PODXL: variants seen among roughly 807,000 people sequenced by gnomAD.
PODXL encodes podocalyxin like.
Under a neutral mutation model 48.9 loss-of-function variants are expected in PODXL, and 20 were observed. That is an observed-to-expected ratio of 0.41 (90% CI 0.29 to 0.59). PODXL has a LOEUF of 0.59. PODXL is among the 20% of genes least tolerant of loss of function. The pLI is 0.31. For missense variants in PODXL, 606 were observed against 675.1 expected (o/e 0.90, Z 1.13); for synonymous variants, 295 against 287.4 (o/e 1.03, Z -0.27).
intron 1 of PODXL, among the ~76,000 whole-genome samples, chr7:131,546,810 G>A (rs1359245253): frequency 6.6e-6 from 1 of 151,930 alleles, no homozygotes; most frequent in Non-Finnish European, 1.5e-5. Flanking sequence ...GGTGAGCTGA[G>A]GAGCACCAGG....
At chr7:131,504,660 A>T in intron 8 of PODXL, 152 bp from the exon 9 acceptor site, 2 of 660,834 alleles carry the variant, frequency 3.0e-6, no homozygotes, top group Non-Finnish European at 5.3e-6. Context: ...CCTGGTGGTC[A>T]TTCTGGCTCT....
chr7:131,531,017 C>A (rs1384762182), intron 1 of PODXL, among the ~76,000 whole-genome samples: 4 of 152,194 alleles, frequency 2.6e-5, no homozygotes, highest in Admixed American at 2.0e-4. Flanking sequence ...AAGATCGCAC[C>A]ATTGCACTCC....
chr7:131,513,158 C>T (rs186167419), intron 1 of PODXL, among the ~76,000 whole-genome samples: 4 of 152,200 alleles, frequency 2.6e-5, no homozygotes, highest in Admixed American at 2.6e-4. Context: ...TACAGAGAAA[C>T]CTGTTCCTGC....
Position 131,510,154 on chromosome 7 carries a change from T to C in PODXL, c.802+82A>G, listed in dbSNP as rs371487937. On this transcript the variant is annotated intron_variant, in intron 3 of 8. Coordinates refer to ENST00000378555, the MANE Select transcript of PODXL (RefSeq NM_001018111.3). ...ATCCATAGGTAGATTTTGAAATTGA[T>C]TTACTAGGTTAAGACAAGCTCTTAT... 4.4e-4 allele frequency: 185 copies of C among 424,946 alleles called. 1 individual carries two copies. Among genetic ancestry groups the C allele is most frequent in the African/African-American group, 3.5e-3 (169 of 48,016 alleles). 26.3% of individuals were successfully genotyped at this position (424,946 alleles called of 1,614,324 possible).
chr7:131,513,609 A>G (rs1562905744), intron 1 of PODXL, among the ~76,000 whole-genome samples: 1 of 152,226 alleles, frequency 6.6e-6, no homozygotes, highest in South Asian at 2.1e-4. Context: ...CAGTGCCACC[A>G]TGAACGTGCA....
At chr7:131,521,399 T>C (rs555397934) in intron 1 of PODXL, among the ~76,000 whole-genome samples, 1 of 151,702 alleles carries the variant, frequency 6.6e-6, no homozygotes, top group Non-Finnish European at 1.5e-5. Flanking sequence ...AGTGGTGTGA[T>C]TTCAGCTCAC....
At chr7:131,556,149 G>A in intron 1 of PODXL, 111 bp downstream of exon 1, 2 of 1,308,546 alleles carry the variant, frequency 1.5e-6, no homozygotes, top group Non-Finnish European at 2.0e-6. Flanking sequence ...GGCGGTGATA[G>A]GGCTGCTCGG....
At chr7:131,510,751 G>A in intron 2 of PODXL, 77 bp downstream of exon 2, 1 of 1,559,612 alleles carries the variant, frequency 6.4e-7, no homozygotes, top group Non-Finnish European at 8.8e-7. Context: ...GGATTACAAG[G>A]CATGAGCCTT....
intron 1 of PODXL, among the ~76,000 whole-genome samples, chr7:131,514,603 G>A (rs997679632): frequency 2.0e-5 from 3 of 151,810 alleles, no homozygotes; most frequent in Non-Finnish European, 4.4e-5. Flanking sequence ...TGGGATGATT[G>A]TTTTTTGTTT....
chr7:131,531,442 C>T (rs1248466949), intron 1 of PODXL, among the ~76,000 whole-genome samples: 1 of 152,208 alleles, frequency 6.6e-6, no homozygotes, highest in Non-Finnish European at 1.5e-5. Flanking sequence ...TCACTCTCGC[C>T]AACCAGTGTC....
chr7:131,527,320 G>A (rs1479187246), intron 1 of PODXL, among the ~76,000 whole-genome samples: 1 of 152,072 alleles, frequency 6.6e-6, no homozygotes, highest in Non-Finnish European at 1.5e-5. Context: ...AATAAAAGAA[G>A]AACAAGAACA....
rs1797911542 is a variant in PODXL, at chr7:131,511,361, G to A, written c.173C>T (p.Thr58Ile). 1 of 1,610,006 alleles carries A rather than the reference G, an allele frequency of 6.2e-7. No homozygotes were observed. The highest frequency in any genetic ancestry group is 1.3e-5 in the African/African-American group (1 of 74,912). The change falls in exon 2 of 9, where the codon ACA becomes ATA. Residue 58 changes from threonine to isoleucine, a missense_variant. By Grantham distance (89) the Thr-to-Ile change is moderately conservative (BLOSUM62 -1). Transcript: ENST00000378555. ...GACTGTGCTCTGCTGGGCTGTATCT[G>A]TAGCCATGATGGTGACACTGGATGC... Reference protein sequence around the residue: ...TPASSVTIMATDTAQQSTVPT... With the variant: ...TPASSVTIMAIDTAQQSTVPT...
rs575393157 is a variant in PODXL at position 131,548,812 on chromosome 7, T to C, written c.100+7448A>G. ...CTTCCTACCAGGAATCCCTGCTCCT[T>C]CCTGCCCATATGCCCCCAGGACCTA... is the stretch of plus-strand genomic sequence containing the variant. On this transcript the variant is annotated intron_variant, in intron 1 of 8. Transcript: ENST00000378555. Among the ~76,000 whole-genome samples, 7 of 104,300 alleles carry C rather than the reference T, an allele frequency of 6.7e-5. No homozygotes were observed. In the East Asian group the frequency reaches 1.7e-3, roughly 25 times the overall value. 68.4% of individuals were successfully genotyped at this position (104,300 alleles called of 152,430 possible).
chr7:131,548,654 C>T (rs1410652659), intron 1 of PODXL, among the ~76,000 whole-genome samples: 2 of 152,228 alleles, frequency 1.3e-5, no homozygotes, highest in Non-Finnish European at 2.9e-5. Flanking sequence ...ATAACTGATG[C>T]CTGTCTTATT....
chr7:131,506,580 G>T lies in PODXL; in HGVS notation c.1248C>A (p.His416Gln). Residue 416 changes from histidine to glutamine, a missense_variant and splice_region_variant, in exon 6 of 9, where the codon CAC (histidine) becomes CAA (glutamine). Physicochemically the swap from His to Gln is conservative, Grantham distance 24 (BLOSUM62 0). Coordinates refer to ENST00000378555, the MANE Select transcript of PODXL (RefSeq NM_001018111.3). ...QTVVVKEITIHTKLPAKDVYE... is the reference protein window; with the variant it reads ...QTVVVKEITIQTKLPAKDVYE... ...CAGGCCCCCTTGCCCTCCACTCACT[G>T]TGAATAGTGATTTCTTTGACGACCA... is the stretch of plus-strand genomic sequence containing the variant. 2 of 1,613,948 alleles carry T rather than the reference G, an allele frequency of 1.2e-6. No individual in the cohort carries two copies. The highest frequency in any genetic ancestry group is 1.3e-5 in the African/African-American group (1 of 75,030).
intron 1 of PODXL, among the ~76,000 whole-genome samples, chr7:131,554,166 C>A (rs1353317614): frequency 6.6e-6 from 1 of 152,128 alleles, no homozygotes; most frequent in Admixed American, 6.5e-5. Flanking sequence ...GGCGACCACA[C>A]CTTCAGAAGG....
rs1161111230 is a variant in PODXL at position 131,510,312 on chromosome 7, ATG to A, written c.724_725del (p.His242CysfsTer7). 3.2e-6 allele frequency: 1 copy of A among 311,754 alleles called. No homozygotes were observed. Among genetic ancestry groups the A allele is most frequent in the African/African-American group, 2.6e-5 (1 of 39,114 alleles). The allele number at this position is 311,754 out of a possible 1,614,324, so 19.3% of individuals were successfully genotyped here. A position where few individuals can be genotyped will look rare whatever the true frequency, so the allele number is the denominator to read the frequency against. ...TTTLLETVFHHVSQAGLELLT... is the reference protein window; with the variant it reads ...TTTLLETVFHXVSQAGLELLT... ...GGAGTTCAAGACCAGCCTGGCTGAC[ATG>A]GTGAAACACTGTCTCTACTTGAAAA... On this transcript the variant is annotated frameshift_variant, in exon 3 of 9. Transcript: ENST00000378555. LOFTEE classifies it high-confidence loss of function.
In PODXL at chr7:131,511,421, G is replaced by C. The variant is rs781121904; in HGVS notation, c.113C>G (p.Thr38Ser). The C allele has an allele frequency of 3.1e-6, 5 of 1,600,754 alleles. No individual in the cohort carries two copies. The East Asian group carries it at 1.1e-4, about 36-fold the overall frequency. Residue 38 changes from threonine (T) to serine (S), a missense_variant, in exon 2 of 9, where the codon ACT (threonine) becomes AGT (serine). Thr to Ser is a moderately conservative substitution (Grantham distance 58). Coordinates refer to ENST00000378555, the MANE Select transcript of PODXL (RefSeq NM_001018111.3). ...TGCTGTTTTGTTAGATGAGTCCGTAGTAGTCTGGGTTGCTGTTTGTAAAGA... is the reference window on the plus strand; with the variant it reads ...TGCTGTTTTGTTAGATGAGTCCGTACTAGTCTGGGTTGCTGTTTGTAAAGA... ...PSPSQNATQT[T>S]TDSSNKTAPT...
chr7:131,522,142 G>C lies in PODXL; in HGVS notation c.101-10709C>G, dbSNP rs550709123. ...CTCCCCTGTTCCACAAGGCCAGCAA[G>C]TGTGAAGTAAAAAATAACAGTGGAG... On this transcript the variant is annotated intron_variant, in intron 1 of 8. Transcript: ENST00000378555. Among the ~76,000 whole-genome samples the C allele has an allele frequency of 3.3e-5, 5 of 152,298 alleles. 1 individual carries two copies. In the East Asian group the frequency reaches 7.7e-4, roughly 23 times the overall value.
Sources: gnomAD v4.1 joint callset for allele counts (sites outside exome capture counted in the v4.1 genomes callset) on GRCh38, gnomAD v4.1.1 for gene constraint, MANE v1.5 for transcripts, NCBI Gene and HGNC (gene_info 2026-07-23, HGNC 2026-07-21) for gene names.